Variants in LARGE1 observed in about 807,000 individuals in gnomAD.
LARGE1 encodes LARGE xylosyl- and glucuronyltransferase 1, also known as xylosyl- and glucuronyltransferase LARGE1.
A neutral mutation model predicts 87.6 loss-of-function variants in LARGE1; 43 were observed. The ratio of observed to expected loss-of-function variants is 0.49; its 90% CI spans 0.38 to 0.63. The LOEUF (loss-of-function observed/expected upper bound fraction) is 0.63. Ranked by LOEUF, LARGE1 falls within the 30% of genes least tolerant of loss-of-function variation. The probability of loss-of-function intolerance (pLI) is 0.00; values close to 1 mark genes in which losing one functional copy is unlikely to be tolerated. For missense variants in LARGE1, 802 were observed against 1,000.2 expected, an observed-to-expected ratio of 0.80 and a Z score of 2.67; for synonymous variants, 434 against 394.6, an observed-to-expected ratio of 1.10 and a Z score of -1.18.
At chr22:33,311,011 A>G (rs1206791743) in intron 11 of LARGE1, among the ~76,000 whole-genome samples, 5 of 149,418 alleles carry the variant, frequency 3.3e-5, no homozygotes, top group South Asian at 2.1e-4. Context: ...CCCAGGCTGG[A>G]GTGCAGTGGC....
chr22:33,902,003 T>C (rs765499037), intron 1 of LARGE1, among the ~76,000 whole-genome samples: 2 of 152,192 alleles, frequency 1.3e-5, no homozygotes, highest in Admixed American at 6.5e-5. Flanking sequence ...ACAAGCCACA[T>C]TAAAACAGTA....
chr22:33,195,709 T>C (rs1412796172), intron 11 of LARGE1, among the ~76,000 whole-genome samples: 1 of 151,620 alleles, frequency 6.6e-6, no homozygotes, highest in Non-Finnish European at 1.5e-5. Context: ...TCTACACTTC[T>C]ATTAAAAAAG....
chr22:33,280,475 T>C (rs1307084980), intron 13 of LARGE1, among the ~76,000 whole-genome samples: 2 of 151,964 alleles, frequency 1.3e-5, no homozygotes, highest in African/African-American at 4.8e-5. Context: ...TCTCAGAAAA[T>C]TATAATGTGA....
chr22:33,405,267 G>A (rs2066057537), intron 7 of LARGE1, among the ~76,000 whole-genome samples: 1 of 152,158 alleles, frequency 6.6e-6, no homozygotes, highest in Admixed American at 6.5e-5. Context: ...TCATGGCCCA[G>A]GAAGCTCTAG....
chr22:33,453,304 A>G (rs1041827828), intron 6 of LARGE1, among the ~76,000 whole-genome samples: 2 of 151,974 alleles, frequency 1.3e-5, no homozygotes, highest in African/African-American at 4.8e-5. Context: ...AATCCCAGCT[A>G]CTCAGGAGGC....
intron 11 of LARGE1, among the ~76,000 whole-genome samples, chr22:33,211,018 G>A (rs902392114): frequency 2.0e-5 from 3 of 152,068 alleles, no homozygotes; most frequent in East Asian, 1.9e-4. Context: ...CAAGTCTATC[G>A]GTGCTATTTT....
intron 11 of LARGE1, among the ~76,000 whole-genome samples, chr22:33,262,681 T>C (rs1927699721): frequency 6.6e-6 from 1 of 152,166 alleles, no homozygotes; most frequent in Non-Finnish European, 1.5e-5. Flanking sequence ...CCAGTCAGGA[T>C]GATAACCAAT....
chr22:33,066,803 C>T, the LARGE1 span, among the ~76,000 whole-genome samples: 20 of 152,190 alleles, frequency 1.3e-4, no homozygotes, highest in African/African-American at 3.6e-4. Flanking sequence ...AATTTGTACC[C>T]TGTGTGTTGC....
chr22:33,898,613 G>A (rs1031162842), intron 1 of LARGE1, among the ~76,000 whole-genome samples: 2 of 152,164 alleles, frequency 1.3e-5, no homozygotes, highest in African/African-American at 4.8e-5. Flanking sequence ...AATTAGCTGG[G>A]CGTGGTGGCA....
At position 33,641,720 on chromosome 22, in the gene LARGE1, C is replaced by T. The variant is rs189107733; in HGVS notation, c.408+8647G>A. ...CCTGATGGAGCTGAAAAACACAGCACGAGAACTTTGTGAAGCATACACAAG... is the reference window on the plus strand; with the variant it reads ...CCTGATGGAGCTGAAAAACACAGCATGAGAACTTTGTGAAGCATACACAAG... On this transcript the variant is annotated intron_variant, in intron 3 of 14. Coordinates refer to ENST00000397394, the MANE Select transcript of LARGE1 (RefSeq NM_133642.5). Among the ~76,000 whole-genome samples the T allele has an allele frequency of 3.0e-3, 454 of 152,096 alleles. 2 individuals carry two copies. Among genetic ancestry groups the T allele is most frequent in the African/African-American group, 0.01 (435 of 41,482 alleles).
At chr22:33,727,421 C>T (rs2083304284) in intron 2 of LARGE1, 4 of 152,152 alleles carry the variant, frequency 2.6e-5, no homozygotes, top group African/African-American at 2.4e-5. Flanking sequence ...CATAAAGGTG[C>T]TAATATTTTG....
At chr22:33,353,678 G>A (rs1940619861) in intron 9 of LARGE1, among the ~76,000 whole-genome samples, 1 of 152,176 alleles carries the variant, frequency 6.6e-6, no homozygotes, top group Non-Finnish European at 1.5e-5. Flanking sequence ...AGCACTAAAG[G>A]AAAGCTGTCC....
intron 2 of LARGE1, among the ~76,000 whole-genome samples, chr22:33,711,073 C>G (rs184072459): frequency 6.6e-6 from 1 of 152,200 alleles, no homozygotes; most frequent in African/African-American, 2.4e-5. Flanking sequence ...AAGAGAGGGC[C>G]AAGTGTTATA....
rs183106019 is a variant in LARGE1, at chr22:33,177,399, C to A, written c.1731-10567G>T. ...TAATATATTAGAGAGAACATTTATTCTTTTAATTATTCATTTAACAAACAT... is the reference window on the plus strand; with the variant it reads ...TAATATATTAGAGAGAACATTTATTATTTTAATTATTCATTTAACAAACAT... On this transcript the variant is annotated intron_variant, in intron 11 of 11. Transcript: ENST00000608642. Among the ~76,000 whole-genome samples the A allele has an allele frequency of 1.4e-4, 21 of 152,220 alleles. No homozygotes were observed. In the East Asian group the frequency reaches 3.9e-3, roughly 28 times the overall value.
At chr22:33,498,468 C>G (rs1050260874) in intron 6 of LARGE1, among the ~76,000 whole-genome samples, 1 of 152,100 alleles carries the variant, frequency 6.6e-6, no homozygotes, top group Non-Finnish European at 1.5e-5. Flanking sequence ...ATTAACGATG[C>G]TGCTATTGTT....
intron 1 of LARGE1, among the ~76,000 whole-genome samples, chr22:33,769,327 T>C (rs999362942): frequency 3.3e-5 from 5 of 152,294 alleles, no homozygotes; most frequent in African/African-American, 4.8e-5. Context: ...GACTTAGTGG[T>C]TGGAAATCCT....
intron 1 of LARGE1, among the ~76,000 whole-genome samples, chr22:33,816,844 C>T (rs2086668319): frequency 6.6e-6 from 1 of 152,082 alleles, no homozygotes; most frequent in Non-Finnish European, 1.5e-5. Flanking sequence ...TGTTCATTCT[C>T]AATCATTTCA....
chr22:33,420,579 G>A (rs1033290592), intron 7 of LARGE1, among the ~76,000 whole-genome samples: 5 of 152,150 alleles, frequency 3.3e-5, no homozygotes, highest in Non-Finnish European at 5.9e-5. Context: ...CGAGTGTGGG[G>A]AACACTTCCA....
At chr22:33,746,125 C>T (rs2084074367) in intron 2 of LARGE1, among the ~76,000 whole-genome samples, 1 of 152,140 alleles carries the variant, frequency 6.6e-6, no homozygotes. Flanking sequence ...GCCTGTAGTC[C>T]CAGCTACTCG....
Sources: allele counts gnomAD v4.1 joint callset (sites outside exome capture counted in the v4.1 genomes callset), GRCh38; gene constraint gnomAD v4.1.1; transcripts MANE v1.5; gene names NCBI Gene and HGNC (gene_info 2026-07-23, HGNC 2026-07-21).